FBLN7: variants seen among roughly 807,000 people sequenced by gnomAD.
FBLN7 encodes fibulin-7.
In FBLN7, 31 loss-of-function variants were observed where a neutral mutation model predicts 44.0. The ratio of observed to expected loss-of-function variants is 0.70; its 90% CI spans 0.53 to 0.95. The LOEUF is 0.95. Ranked by LOEUF, FBLN7 falls within the 40% of genes least tolerant of loss-of-function variation. The pLI is 0.00. For synonymous variants in FBLN7, 262 were observed against 253.4 expected, an observed-to-expected ratio of 1.03 and a Z score of -0.32; for missense variants, 573 against 618.5, an observed-to-expected ratio of 0.93 and a Z score of 0.78.
chr2:112,201,656 C>T, the FBLN7 span, among the ~76,000 whole-genome samples: 16 of 152,346 alleles, frequency 1.1e-4, no homozygotes, highest in Non-Finnish European at 1.8e-4. Flanking sequence ...GGGCCACTCA[C>T]ATCATCTCCC....
At chr2:112,203,428 C>T in the FBLN7 span, among the ~76,000 whole-genome samples, 1 of 152,186 alleles carries the variant, frequency 6.6e-6, no homozygotes, top group African/African-American at 2.4e-5. Context: ...ACAAACTTTA[C>T]ACACTTAGTC....
chr2:112,207,823 CT>C, the FBLN7 span, among the ~76,000 whole-genome samples: 1 of 152,246 alleles, frequency 6.6e-6, no homozygotes, highest in Non-Finnish European at 1.5e-5. Context: ...AATATAGCCT[CT>C]CCATCTTTCT....
chr2:112,212,752 A>G, the FBLN7 span: 3 of 152,212 alleles, frequency 2.0e-5, no homozygotes, highest in East Asian at 1.9e-4. Flanking sequence ...CATAATCCCT[A>G]TTATAAGACT....
chr2:112,146,955 C>T (rs1011370075), intron 1 of FBLN7, among the ~76,000 whole-genome samples: 1 of 152,164 alleles, frequency 6.6e-6, no homozygotes, highest in Admixed American at 6.5e-5. Context: ...TGTTATTTGT[C>T]TGGCTAAGAT....
intron 1 of FBLN7, chr2:112,152,913 T>C (rs1344257672): frequency 6.6e-6 from 1 of 152,258 alleles, no homozygotes; most frequent in South Asian, 2.1e-4. Flanking sequence ...TTAATAAGTA[T>C]GTTATATATT....
At position 112,182,810 on chromosome 2, in the gene FBLN7, C is replaced by A; in HGVS notation, c.690C>A (p.Leu230=). The change falls in exon 6 of 8, where the codon CTC becomes CTA. Residue 230 remains leucine, a synonymous_variant. Transcript: ENST00000331203. ...CTGCAGACGTGAACGAGTGTGAGCT[C>A]TACGGGCAGGAGGGGCGCCCCCGGC... ...SVCQDVNECE[L]YGQEGRPRLC... 1.9e-6 allele frequency: 3 copies of A among 1,608,942 alleles called. No homozygotes were observed. The highest frequency in any genetic ancestry group is 2.5e-6 in the Non-Finnish European group (3 of 1,178,198).
chr2:112,179,249 C>T (rs183366858), intron 4 of FBLN7, among the ~76,000 whole-genome samples: 6 of 152,102 alleles, frequency 3.9e-5, no homozygotes, highest in African/African-American at 1.2e-4. Context: ...TTGCCACACA[C>T]ACACAAATAA....
chr2:112,192,869 C>T (rs1011459485), downstream of FBLN7, among the ~76,000 whole-genome samples: 8 of 152,140 alleles, frequency 5.3e-5, no homozygotes, highest in Non-Finnish European at 1.2e-4. Context: ...CACTGTTCTA[C>T]TTGCTGAAGT....
chr2:112,211,183 C>T, the FBLN7 span, among the ~76,000 whole-genome samples: 1 of 152,304 alleles, frequency 6.6e-6, no homozygotes, highest in East Asian at 1.9e-4. Flanking sequence ...CTTTAAAGGG[C>T]TCACCTGATT....
At chr2:112,164,669 T>C (rs1371668076) in intron 2 of FBLN7, among the ~76,000 whole-genome samples, 1 of 152,192 alleles carries the variant, frequency 6.6e-6, no homozygotes, top group Admixed American at 6.5e-5. Context: ...CCAGGGGGGC[T>C]GGAGCCCCAG....
the FBLN7 span, among the ~76,000 whole-genome samples, chr2:112,233,766 G>A: frequency 6.6e-6 from 1 of 152,116 alleles, no homozygotes; most frequent in African/African-American, 2.4e-5. Flanking sequence ...CTACTTGGGA[G>A]GCTGAGGCAG....
downstream of FBLN7, among the ~76,000 whole-genome samples, chr2:112,192,772 C>T (rs771570438): frequency 9.2e-5 from 14 of 152,178 alleles, 1 homozygote; most frequent in South Asian, 4.1e-4. Flanking sequence ...GAAAGATAAA[C>T]TTTTATGACT....
chr2:112,244,127 AGAATT>A, the FBLN7 span, among the ~76,000 whole-genome samples: 299 of 152,226 alleles, frequency 2.0e-3, 1 homozygote, highest in African/African-American at 7.1e-3. Context: ...ACAATCGCAT[AGAATT>A]AAGAATGCCA....
chr2:112,161,597 G>A (rs930160213), intron 2 of FBLN7, among the ~76,000 whole-genome samples: 2 of 152,214 alleles, frequency 1.3e-5, no homozygotes, highest in Non-Finnish European at 2.9e-5. Context: ...TGGGGTCAGA[G>A]CTGCCTGCGG....
intron 4 of FBLN7, 169 bp downstream of exon 4, chr2:112,176,008 C>A (rs1376421195): frequency 3.6e-5 from 28 of 780,830 alleles, no homozygotes; most frequent in Non-Finnish European, 5.3e-5. Context: ...CTAAGGTGGT[C>A]ACTTGACAGA....
At chr2:112,184,362 C>A (rs531098351) in intron 6 of FBLN7, among the ~76,000 whole-genome samples, 1 of 152,160 alleles carries the variant, frequency 6.6e-6, no homozygotes, top group Non-Finnish European at 1.5e-5. Context: ...ATTGGGGCCC[C>A]GCTGCAGGGC....
intron 3 of FBLN7, among the ~76,000 whole-genome samples, chr2:112,172,299 G>C (rs1179284507): frequency 6.6e-6 from 1 of 152,152 alleles, no homozygotes; most frequent in African/African-American, 2.4e-5. Flanking sequence ...GCCTCAGCGA[G>C]TGTCACTACC....
downstream of FBLN7, chr2:112,190,658 T>G (rs1683456251): frequency 2.0e-5 from 3 of 152,220 alleles, no homozygotes; most frequent in African/African-American, 7.2e-5. Context: ...CTTTGGTTCT[T>G]GGGAGCTGCT....
chr2:112,238,854 T>C, the FBLN7 span, among the ~76,000 whole-genome samples: 2 of 152,256 alleles, frequency 1.3e-5, no homozygotes, highest in South Asian at 2.1e-4. Context: ...AATTATTTGA[T>C]ATGAGAGGAT....
Sources: allele counts gnomAD v4.1 joint callset (sites outside exome capture counted in the v4.1 genomes callset), GRCh38; gene constraint gnomAD v4.1.1; transcripts MANE v1.5; gene names NCBI Gene and HGNC (gene_info 2026-07-23, HGNC 2026-07-21).